Variants in DOCK11 observed in about 807,000 individuals in gnomAD.
The protein encoded by DOCK11 is dedicator of cytokinesis protein 11.
DOCK11 carries 70 observed loss-of-function variants against 169.1 expected under a neutral mutation model. The ratio of observed to expected loss-of-function variants is 0.41; its 90% CI spans 0.34 to 0.51. The LOEUF is 0.51. Ranked by LOEUF, DOCK11 falls within the 20% of genes least tolerant of loss-of-function variation. The pLI, the probability that DOCK11 is intolerant of heterozygous loss-of-function variation, is 0.10. For missense variants in DOCK11, 1,166 were observed against 1,538.8 expected, an observed-to-expected ratio of 0.76 and a Z score of 4.05; for synonymous variants, 529 against 541.3, an observed-to-expected ratio of 0.98 and a Z score of 0.32.
At chrX:118,523,861 A>G (rs1450874434) in intron 1 of DOCK11, among the ~76,000 whole-genome samples, 1 of 111,815 alleles carries the variant, frequency 8.9e-6, no homozygotes, top group Non-Finnish European at 1.9e-5. Flanking sequence ...TAAGGGGCAG[A>G]GAGACAAGAA....
intron 7 of DOCK11, among the ~76,000 whole-genome samples, chrX:118,564,735 C>T (rs1458862598): frequency 2.8e-5 from 3 of 105,591 alleles, no homozygotes; most frequent in South Asian, 4.2e-4. Context: ...TTCTCTCTTT[C>T]GTTCTTTCCT....
At chrX:118,546,757 A>T (rs149275292) in intron 6 of DOCK11, among the ~76,000 whole-genome samples, 18 of 111,285 alleles carry the variant, frequency 1.6e-4, no homozygotes, top group African/African-American at 5.6e-4. Flanking sequence ...TGGGAGGCCG[A>T]GGTGGGTGGA....
chrX:118,674,094 G>C (rs1051197933), intron 46 of DOCK11, among the ~76,000 whole-genome samples: 4 of 111,493 alleles, frequency 3.6e-5, no homozygotes, highest in African/African-American at 1.3e-4. Flanking sequence ...TTCAGATAAG[G>C]GATACTCAGC....
At chrX:118,593,791 A>C (rs1304156368) in intron 20 of DOCK11, among the ~76,000 whole-genome samples, 1 of 111,658 alleles carries the variant, frequency 9.0e-6, no homozygotes, top group Admixed American at 9.5e-5. Flanking sequence ...GGACACAGCC[A>C]AACCATATCA....
rs1275704195 is a variant in DOCK11 at position 118,539,529 on chromosome X, C to T, written c.103-3196C>T. ...TTTTTGAGATCAATAGTATAGCATG[C>T]TGAATATGCCTAATAATTGAGTACT... On this transcript the variant is annotated intron_variant, in intron 1 of 52. Coordinates refer to ENST00000276202, the MANE Select transcript of DOCK11 (RefSeq NM_144658.4). Among the ~76,000 whole-genome samples the T allele has an allele frequency of 2.7e-5, 3 of 110,834 alleles. No individual in the cohort carries two copies. In the East Asian group the frequency reaches 8.4e-4, roughly 31 times the overall value.
At chrX:118,514,261 C>T (rs2057668612) in intron 1 of DOCK11, among the ~76,000 whole-genome samples, 1 of 110,011 alleles carries the variant, frequency 9.1e-6, no homozygotes, top group Admixed American at 9.7e-5. Context: ...AACTGTGAGT[C>T]AATTAAACCT....
intron 38 of DOCK11, 127 bp from the exon 39 acceptor site, chrX:118,641,063 A>G: frequency 4.0e-6 from 2 of 503,169 alleles, no homozygotes; most frequent in Non-Finnish European, 7.1e-6. Flanking sequence ...TGCTGGGATT[A>G]CAGGCATGAG....
At chrX:118,626,226 C>T (rs907035681) in intron 32 of DOCK11, among the ~76,000 whole-genome samples, 7 of 94,570 alleles carry the variant, frequency 7.4e-5, no homozygotes, top group East Asian at 3.8e-4. Context: ...CCACCACGCC[C>T]GGCTAATTTT....
At chrX:118,497,829 G>A (rs1449458027) in intron 1 of DOCK11, among the ~76,000 whole-genome samples, 1 of 112,277 alleles carries the variant, frequency 8.9e-6, no homozygotes, top group African/African-American at 3.2e-5. Context: ...AGAATAAATG[G>A]GACTAAGAAA....
chrX:118,595,812 C>T (rs759210371), intron 20 of DOCK11, among the ~76,000 whole-genome samples: 2 of 111,272 alleles, frequency 1.8e-5, no homozygotes, highest in East Asian at 2.8e-4. Flanking sequence ...ATAGGGGAAA[C>T]GCTTGGTCGT....
chrX:118,674,739 A>G (rs954590404), intron 46 of DOCK11, among the ~76,000 whole-genome samples: 4 of 112,336 alleles, frequency 3.6e-5, no homozygotes, highest in African/African-American at 1.3e-4. Context: ...TTGAGGACCC[A>G]CGAAGCTGTT....
At chrX:118,567,220 T>C (rs184040369) in intron 9 of DOCK11, among the ~76,000 whole-genome samples, 39 of 111,750 alleles carry the variant, frequency 3.5e-4, no homozygotes, top group Non-Finnish European at 3.0e-4. Context: ...TTCTGTAGAC[T>C]CTATATTATA....
At chrX:118,575,476 TA>T (rs5903527) in intron 12 of DOCK11, among the ~76,000 whole-genome samples, 211 of 112,590 alleles carry the variant, frequency 1.9e-3, no homozygotes, top group African/African-American at 6.4e-3. Context: ...CTCCTTAGAA[TA>T]AATTCCAAGC....
At chrX:118,633,785 T>A (rs1340757700) in intron 35 of DOCK11, 9 of 112,721 alleles carry the variant, frequency 8.0e-5, no homozygotes, top group South Asian at 7.2e-4. Flanking sequence ...GACTGAAAAA[T>A]CTGACATAGT....
Position 118,685,691 on chromosome X carries a change from T to C in DOCK11, c.6106T>C (p.Leu2036=). Residue 2036 remains leucine, a synonymous_variant, in exon 53 of 53, where the codon TTA becomes CTA. Coordinates refer to ENST00000276202, the MANE Select transcript of DOCK11 (RefSeq NM_144658.4). ...ATGCTGATTTCTTCTGTTTTAGATA[T>C]TACAAGAAGACACAATGCATTCTCC... is the stretch of plus-strand genomic sequence containing the variant. ...ELSDIIHEQI[L]QEDTMHSPWM... is the part of the protein sequence containing the mutation. 8.3e-7 allele frequency: 1 copy of C among 1,209,109 alleles called. No individual in the cohort carries two copies. Among genetic ancestry groups the C allele is most frequent in the Non-Finnish European group, 1.1e-6 (1 of 894,068 alleles).
At chrX:118,665,381 C>A (rs2016316626) in intron 45 of DOCK11, among the ~76,000 whole-genome samples, 1 of 112,006 alleles carries the variant, frequency 8.9e-6, no homozygotes, top group South Asian at 3.7e-4. Flanking sequence ...TTCCCAGAGA[C>A]CTGCAGGTTT....
intron 48 of DOCK11, among the ~76,000 whole-genome samples, chrX:118,678,537 A>G (rs2016664554): frequency 9.1e-6 from 1 of 110,114 alleles, no homozygotes; most frequent in African/African-American, 3.3e-5. Flanking sequence ...CATTGGTGCC[A>G]TCTTGGCTTA....
At chrX:118,565,236 C>T (rs919953151) in intron 7 of DOCK11, among the ~76,000 whole-genome samples, 1 of 111,383 alleles carries the variant, frequency 9.0e-6, no homozygotes, top group Admixed American at 9.6e-5. Flanking sequence ...CCACTGCCCC[C>T]ATCTTTACTT....
intron 46 of DOCK11, among the ~76,000 whole-genome samples, chrX:118,674,150 G>A (rs1387520411): frequency 1.8e-5 from 2 of 111,224 alleles, no homozygotes; most frequent in Non-Finnish European, 1.9e-5. Flanking sequence ...CTTTCAGTTA[G>A]CATAATTTTT....
Sources: gnomAD v4.1 joint callset for allele counts (sites outside exome capture counted in the v4.1 genomes callset) on GRCh38, gnomAD v4.1.1 for gene constraint, MANE v1.5 for transcripts, NCBI Gene and HGNC (gene_info 2026-07-23, HGNC 2026-07-21) for gene names.